The following OTUD7A variants were observed in gnomAD, a reference collection of about 807,000 sequenced individuals.
OTUD7A encodes the protein OTU deubiquitinase 7A, also known as OTU domain-containing protein 7A.
OTUD7A carries 12 observed loss-of-function variants against 65.7 expected under a neutral mutation model. That is an observed-to-expected ratio of 0.18 (90% CI 0.12 to 0.30). The LOEUF (loss-of-function observed/expected upper bound fraction) is 0.30, where lower values mean the gene tolerates loss of function less well. Ranked by LOEUF, OTUD7A falls within the 10% of genes least tolerant of loss-of-function variation. OTUD7A has a pLI of 1.00. For synonymous variants in OTUD7A, 641 were observed against 586.3 expected (o/e 1.09, Z -1.35); for missense variants, 1,148 against 1,304.8 (o/e 0.88, Z 1.85).
chr15:31,799,040 A>G (rs1896048544), intron 1 of OTUD7A, among the ~76,000 whole-genome samples: 2 of 152,208 alleles, frequency 1.3e-5, no homozygotes, highest in African/African-American at 2.4e-5. Context: ...GCAGCCACAC[A>G]ATTATCTGGA....
chr15:31,778,703 G>A (rs1395643608), intron 1 of OTUD7A, among the ~76,000 whole-genome samples: 4 of 151,968 alleles, frequency 2.6e-5, no homozygotes, highest in East Asian at 3.9e-4. Flanking sequence ...AAATTAATTC[G>A]TTGAAAAAGT....
intron 1 of OTUD7A, among the ~76,000 whole-genome samples, chr15:31,678,686 G>C (rs1346382515): frequency 1.3e-5 from 2 of 152,218 alleles, no homozygotes; most frequent in African/African-American, 4.8e-5. Flanking sequence ...CCTCTGCCTA[G>C]ATTTCAGAGG....
chr15:31,538,696 C>A (rs1206272237), intron 5 of OTUD7A, among the ~76,000 whole-genome samples: 1 of 152,142 alleles, frequency 6.6e-6, no homozygotes, highest in Non-Finnish European at 1.5e-5. Context: ...AAAACTGGAG[C>A]TCAAATTTTG....
chr15:31,791,757 C>T (rs1437678362), intron 1 of OTUD7A, among the ~76,000 whole-genome samples: 1 of 152,088 alleles, frequency 6.6e-6, no homozygotes, highest in Non-Finnish European at 1.5e-5. Context: ...TGAAACATGG[C>T]CTTCCTTTGG....
intron 1 of OTUD7A, among the ~76,000 whole-genome samples, chr15:31,808,929 C>T (rs573532765): frequency 2.0e-5 from 3 of 152,210 alleles, no homozygotes; most frequent in Non-Finnish European, 4.4e-5. Context: ...ATTGTCTAAT[C>T]GTGTGTGGCT....
intron 8 of OTUD7A, among the ~76,000 whole-genome samples, chr15:31,512,995 A>G (rs1240505014): frequency 1.3e-5 from 2 of 152,256 alleles, no homozygotes; most frequent in African/African-American, 2.4e-5. Context: ...CAGCCTCCCA[A>G]GTAGCTGGGA....
At chr15:31,504,222 G>A (rs2041520749) in intron 8 of OTUD7A, among the ~76,000 whole-genome samples, 1 of 152,100 alleles carries the variant, frequency 6.6e-6, no homozygotes, top group Non-Finnish European at 1.5e-5. Context: ...TTCTCTCAGG[G>A]ACCCAGGGGT....
At position 31,596,168 on chromosome 15, in the gene OTUD7A, G is replaced by A. The variant is rs535921415; in HGVS notation, c.152-25971C>T. Among the ~76,000 whole-genome samples, 15 of 152,198 alleles carry A rather than the reference G, an allele frequency of 9.9e-5. No individual in the cohort carries two copies. The South Asian group carries it at 2.5e-3, about 25-fold the overall frequency. On this transcript the variant is annotated intron_variant, in intron 3 of 12. Coordinates refer to ENST00000307050, the MANE Select transcript of OTUD7A (RefSeq NM_001382637.1). ...AATGTCAGGGAACAGGAATCTTGAG[G>A]GACATCTGTAGAATCTTGTCTTCTA...
chr15:31,714,119 G>C (rs1893520885), intron 1 of OTUD7A, among the ~76,000 whole-genome samples: 1 of 146,314 alleles, frequency 6.8e-6, no homozygotes, highest in African/African-American at 2.5e-5. Flanking sequence ...AGTACTTTCA[G>C]CACTCGGTAC....
chr15:31,523,190 G>A (rs916879117), intron 8 of OTUD7A, among the ~76,000 whole-genome samples: 1 of 152,254 alleles, frequency 6.6e-6, no homozygotes, highest in African/African-American at 2.4e-5. Context: ...CCTCCTGAAA[G>A]ACTGGGTTAG....
chr15:31,488,420 G>C (rs2041269870), intron 10 of OTUD7A, among the ~76,000 whole-genome samples: 1 of 152,188 alleles, frequency 6.6e-6, no homozygotes, highest in African/African-American at 2.4e-5. Flanking sequence ...TGGGGGACCT[G>C]ATGAGAGGAG....
intron 1 of OTUD7A, among the ~76,000 whole-genome samples, chr15:31,856,501 A>C (rs1305390907): frequency 6.6e-6 from 1 of 152,208 alleles, no homozygotes; most frequent in East Asian, 1.9e-4. Context: ...ATGCACAGAG[A>C]GGAACAAAAT....
At chr15:31,623,663 G>C (rs1191439365) in intron 3 of OTUD7A, among the ~76,000 whole-genome samples, 6 of 152,208 alleles carry the variant, frequency 3.9e-5, no homozygotes, top group Admixed American at 6.5e-5. Context: ...TGCCATCTGT[G>C]ACAGCTTTGC....
Position 31,848,774 on chromosome 15 carries a change from T to TGGAGGGAACCCACA in OTUD7A, c.-100+21732_-100+21733insTGTGGGTTCCCTCC, listed in dbSNP as rs551140703. 8.5e-5 allele frequency among the ~76,000 whole-genome samples: 13 copies of TGGAGGGAACCCACA among 152,344 alleles called. No homozygotes were observed. The East Asian group carries it at 2.5e-3, about 29-fold the overall frequency. On this transcript the variant is annotated intron_variant, in intron 1 of 12. Coordinates refer to ENST00000307050, the MANE Select transcript of OTUD7A (RefSeq NM_001382637.1). Reference sequence around the variant, plus strand: ...TTGCCTCTGCCCAGCTGAGAGTTCCTGGAGGGGCCCACATTGCTCCAACAG... The same window carrying TGGAGGGAACCCACA: ...TTGCCTCTGCCCAGCTGAGAGTTCCTGGAGGGAACCCACAGGAGGGGCCCACATTGCTCCAACAG...
intron 1 of OTUD7A, among the ~76,000 whole-genome samples, chr15:31,670,089 A>G (rs897819937): frequency 9.5e-5 from 14 of 146,964 alleles, no homozygotes; most frequent in Non-Finnish European, 1.2e-4. Context: ...GTCGATCTGG[A>G]GCTAAAAATT....
At chr15:31,672,685 G>A (rs1218803767) in intron 1 of OTUD7A, among the ~76,000 whole-genome samples, 1 of 152,192 alleles carries the variant, frequency 6.6e-6, no homozygotes, top group Admixed American at 6.5e-5. Context: ...ATGGAACGGG[G>A]TGTCTTCAAA....
chr15:31,499,490 T>A (rs2041432827), intron 10 of OTUD7A, among the ~76,000 whole-genome samples: 1 of 152,224 alleles, frequency 6.6e-6, no homozygotes, highest in Non-Finnish European at 1.5e-5. Context: ...AGCTGCAGCC[T>A]CACTGTGATT....
chr15:31,803,543 G>C (rs1038516144), intron 1 of OTUD7A, among the ~76,000 whole-genome samples: 2 of 152,204 alleles, frequency 1.3e-5, no homozygotes, highest in African/African-American at 4.8e-5. Context: ...ACTGGGGGAA[G>C]CACCCTTTTC....
At chr15:31,858,890 T>C (rs1290052447) in intron 1 of OTUD7A, among the ~76,000 whole-genome samples, 1 of 152,184 alleles carries the variant, frequency 6.6e-6, no homozygotes, top group Admixed American at 6.5e-5. Flanking sequence ...ACATGGGGCC[T>C]GAAGACAGGG....
Sources: gnomAD v4.1 joint callset for allele counts (sites outside exome capture counted in the v4.1 genomes callset) on GRCh38, gnomAD v4.1.1 for gene constraint, MANE v1.5 for transcripts, NCBI Gene and HGNC (gene_info 2026-07-23, HGNC 2026-07-21) for gene names.